Variants in BMP6 observed in about 807,000 individuals in gnomAD.
The protein encoded by BMP6 is bone morphogenetic protein 6.
In BMP6, 17 loss-of-function variants were observed where a neutral mutation model predicts 54.1. That is an observed-to-expected ratio of 0.31 (90% CI 0.22 to 0.47). The LOEUF is 0.47. Ranked by LOEUF, BMP6 falls within the 20% of genes least tolerant of loss-of-function variation. BMP6 has a pLI of 1.00. For synonymous variants in BMP6, 328 were observed against 291.2 expected, an observed-to-expected ratio of 1.13 and a Z score of -1.28; for missense variants, 720 against 690.4, an observed-to-expected ratio of 1.04 and a Z score of -0.48.
In BMP6 at chr6:7,804,736, T is replaced by C. The variant is rs561429670; in HGVS notation, c.665-40404T>C. ...GCTCGGTCCCTTCACATAGCTTCTA[T>C]TCTAAACACAAGGAGAGTTTGTTAG... On this transcript the variant is annotated intron_variant, in intron 1 of 6. Coordinates refer to ENST00000283147, the MANE Select transcript of BMP6 (RefSeq NM_001718.6). Among the ~76,000 whole-genome samples the C allele has an allele frequency of 4.6e-5, 7 of 152,348 alleles. No individual in the cohort carries two copies. In the East Asian group the frequency reaches 1.3e-3, roughly 29 times the overall value.
chr6:7,733,726 C>G (rs1761911004), intron 1 of BMP6, among the ~76,000 whole-genome samples: 2 of 152,226 alleles, frequency 1.3e-5, no homozygotes, highest in South Asian at 4.1e-4. Context: ...TGATCATACC[C>G]TTACCTTCTC....
intron 1 of BMP6, among the ~76,000 whole-genome samples, chr6:7,837,596 G>A (rs957264360): frequency 6.6e-6 from 1 of 152,102 alleles, no homozygotes; most frequent in Non-Finnish European, 1.5e-5. Flanking sequence ...TAAGCTATGA[G>A]GATGCAAAGT....
At chr6:7,865,120 TTG>T (rs1249007993) in intron 4 of BMP6, among the ~76,000 whole-genome samples, 2 of 152,232 alleles carry the variant, frequency 1.3e-5, no homozygotes, top group Non-Finnish European at 2.9e-5. Flanking sequence ...AGAAAAGATG[TTG>T]TGTCTGATTT....
chr6:7,812,601 A>G (rs1228761822), intron 1 of BMP6, among the ~76,000 whole-genome samples: 1 of 152,234 alleles, frequency 6.6e-6, no homozygotes, highest in Admixed American at 6.5e-5. Context: ...ACATATACAC[A>G]TTAACCCTCT....
At chr6:7,853,381 C>T (rs753107573) in intron 2 of BMP6, among the ~76,000 whole-genome samples, 1 of 152,158 alleles carries the variant, frequency 6.6e-6, no homozygotes, top group Non-Finnish European at 1.5e-5. Context: ...GTCCTGGAAA[C>T]AAGATCGGGA....
chr6:7,769,830 ACTTGT>A (rs1325505021), intron 1 of BMP6, among the ~76,000 whole-genome samples: 1 of 152,234 alleles, frequency 6.6e-6, no homozygotes, highest in African/African-American at 2.4e-5. Flanking sequence ...AATATTCCTA[ACTTGT>A]CTTTTCATTG....
At chr6:7,820,818 G>T (rs1245673670) in intron 1 of BMP6, among the ~76,000 whole-genome samples, 1 of 152,154 alleles carries the variant, frequency 6.6e-6, no homozygotes, top group African/African-American at 2.4e-5. Flanking sequence ...GTGGGGAGGG[G>T]GGTGGTTTGG....
chr6:7,773,380 T>C (rs985290276), intron 1 of BMP6, among the ~76,000 whole-genome samples: 1 of 152,190 alleles, frequency 6.6e-6, no homozygotes, highest in Non-Finnish European at 1.5e-5. Context: ...TGTTAAGTGT[T>C]CATTCGCCCC....
intron 1 of BMP6, among the ~76,000 whole-genome samples, chr6:7,778,350 C>T (rs1049930621): frequency 1.8e-4 from 28 of 152,200 alleles, no homozygotes; most frequent in African/African-American, 6.0e-4. Context: ...GCTCTCTCAT[C>T]GAATTTCCTC....
intron 1 of BMP6, among the ~76,000 whole-genome samples, chr6:7,771,174 G>A (rs780890458): frequency 9.9e-5 from 15 of 152,112 alleles, no homozygotes; most frequent in African/African-American, 2.9e-4. Flanking sequence ...CAGTTAAGCC[G>A]CTGCAGAATA....
intron 1 of BMP6, among the ~76,000 whole-genome samples, chr6:7,768,506 A>G (rs1205263007): frequency 1.3e-5 from 2 of 152,016 alleles, no homozygotes. Flanking sequence ...CTTTGCTTCT[A>G]TGTCCCAAGG....
intron 1 of BMP6, among the ~76,000 whole-genome samples, chr6:7,841,964 T>C (rs1268618115): frequency 6.6e-6 from 1 of 152,184 alleles, no homozygotes; most frequent in African/African-American, 2.4e-5. Context: ...CTGTGAGCAT[T>C]TGCCAAGATT....
At chr6:7,851,053 G>A (rs1246743691) in intron 2 of BMP6, among the ~76,000 whole-genome samples, 1 of 152,124 alleles carries the variant, frequency 6.6e-6, no homozygotes, top group Non-Finnish European at 1.5e-5. Context: ...GATATCTGAT[G>A]TGTAACCTCA....
intron 1 of BMP6, among the ~76,000 whole-genome samples, chr6:7,777,883 CG>C (rs1005951391): frequency 6.6e-6 from 1 of 151,966 alleles, no homozygotes; most frequent in Admixed American, 6.5e-5. Flanking sequence ...AGCCCCCGTC[CG>C]GGACACCACT....
At chr6:7,772,432 C>A (rs2113156898) in intron 1 of BMP6, among the ~76,000 whole-genome samples, 1 of 152,246 alleles carries the variant, frequency 6.6e-6, no homozygotes, top group South Asian at 2.1e-4. Context: ...ATTATAAGGA[C>A]TGAGGGGGAC....
intron 1 of BMP6, among the ~76,000 whole-genome samples, chr6:7,807,303 GTT>G (rs1193919023): frequency 6.6e-6 from 1 of 152,028 alleles, no homozygotes; most frequent in Non-Finnish European, 1.5e-5. Context: ...TTTTTGTTTT[GTT>G]TGTTTGAGAC....
At position 7,839,708 on chromosome 6, in the gene BMP6, G is replaced by A. The variant is rs73719341; in HGVS notation, c.665-5432G>A. Among the ~76,000 whole-genome samples the A allele has an allele frequency of 8.9e-3, 1,357 of 152,300 alleles. 33 individuals carry two copies. The highest frequency in any genetic ancestry group is 0.029 in the African/African-American group (1,197 of 41,540). On this transcript the variant is annotated intron_variant, in intron 1 of 6. Coordinates refer to ENST00000283147, the MANE Select transcript of BMP6 (RefSeq NM_001718.6). ...CCACATTGTGTTTACCCATTCATCC[G>A]TCAGTGGACATGTGGGTTGCTTCCA...
In BMP6 at chr6:7,880,178, TTC is replaced by T. The variant is rs748584040; in HGVS notation, c.1393-14_1393-13del. On this transcript the variant is annotated splice_polypyrimidine_tract_variant and intron_variant, in intron 6 of 6. Coordinates refer to ENST00000283147, the MANE Select transcript of BMP6 (RefSeq NM_001718.6). ...GTCATTTCTAAGGTACCTTCTCCCC[TTC>T]TGTTTTGGAACAGGTTCACCTTATG... 18 of 1,614,116 alleles carry T rather than the reference TTC, an allele frequency of 1.1e-5. No individual in the cohort carries two copies. The highest frequency in any genetic ancestry group is 1.4e-5 in the Non-Finnish European group (17 of 1,179,992).
At chr6:7,833,355 T>C (rs766652320) in intron 1 of BMP6, among the ~76,000 whole-genome samples, 1 of 152,122 alleles carries the variant, frequency 6.6e-6, no homozygotes, top group Non-Finnish European at 1.5e-5. Flanking sequence ...TTCTAGAAAG[T>C]AAAAGCAACA....
Sources: gnomAD v4.1 joint callset for allele counts (sites outside exome capture counted in the v4.1 genomes callset) on GRCh38, gnomAD v4.1.1 for gene constraint, MANE v1.5 for transcripts, NCBI Gene and HGNC (gene_info 2026-07-23, HGNC 2026-07-21) for gene names.